The following DLC1 variants were observed in gnomAD, a reference collection of about 807,000 sequenced individuals.
The protein encoded by DLC1 is DLC1 Rho GTPase activating protein.
DLC1 carries 54 observed loss-of-function variants against 140.3 expected under a neutral mutation model. The ratio of observed to expected loss-of-function variants is 0.38; its 90% confidence interval spans 0.31 to 0.48. The LOEUF (loss-of-function observed/expected upper bound fraction) is 0.48. Among genes scored for constraint, DLC1 ranks in the 20% least tolerant of loss-of-function variants. DLC1 has a pLI of 0.96. For missense variants in DLC1, 2,536 were observed against 1,907.0 expected (o/e 1.33, Z -6.14); for synonymous variants, 986 against 728.1 (o/e 1.35, Z -5.70).
chr8:13,310,234 T>C (rs944474663), intron 4 of DLC1, among the ~76,000 whole-genome samples: 3 of 152,240 alleles, frequency 2.0e-5, no homozygotes, highest in Non-Finnish European at 4.4e-5. Context: ...TTCTTTTACA[T>C]GATTTCAAAT....
chr8:13,133,119 C>A, intron 5 of DLC1: 1 of 1,466,576 alleles, frequency 6.8e-7, no homozygotes, highest in Non-Finnish European at 9.0e-7. Context: ...TCGCCGCTCC[C>A]TGCCCCTCGT....
chr8:13,470,617 C>T (rs1348333660), intron 2 of DLC1, among the ~76,000 whole-genome samples: 1 of 152,152 alleles, frequency 6.6e-6, no homozygotes, highest in Non-Finnish European at 1.5e-5. Flanking sequence ...TTGGTGAAAG[C>T]GTGGAGAAAA....
intron 2 of DLC1, among the ~76,000 whole-genome samples, chr8:13,492,829 T>A (rs558078284): frequency 6.6e-6 from 1 of 152,380 alleles, no homozygotes; most frequent in Admixed American, 6.5e-5. Context: ...TTATTTGTCA[T>A]GAGACGATAT....
intron 14 of DLC1, 93 bp from the exon 15 acceptor site, chr8:13,090,563 C>G: frequency 6.9e-7 from 1 of 1,455,738 alleles, no homozygotes; most frequent in Non-Finnish European, 9.3e-7. Context: ...GAACAATGGC[C>G]TGGTCCTTAA....
chr8:13,384,627 T>C (rs1269273465), intron 4 of DLC1, among the ~76,000 whole-genome samples: 1 of 152,194 alleles, frequency 6.6e-6, no homozygotes, highest in Non-Finnish European at 1.5e-5. Context: ...TAATGTCCAA[T>C]GATCTACCTA....
Position 13,406,185 on chromosome 8 carries a change from T to TTTTTTTTG in DLC1, c.1024-4567_1024-4566insCAAAAAAA, listed in dbSNP as rs1249460302. 7.0e-5 allele frequency among the ~76,000 whole-genome samples: 9 copies of TTTTTTTTG among 129,368 alleles called. 1 individual carries two copies. The highest frequency in any genetic ancestry group is 2.7e-4 in the African/African-American group (9 of 33,278). The allele number at this position is 129,368 out of a possible 152,430, so 84.9% of individuals were successfully genotyped here. A position where few individuals can be genotyped will look rare whatever the true frequency, so the allele number is the denominator to read the frequency against. On this transcript the variant is annotated intron_variant, in intron 2 of 17. Coordinates refer to ENST00000276297, the MANE Select transcript of DLC1 (RefSeq NM_182643.3). Reference sequence around the variant, plus strand: ...CCATCCCCAGCTAATTTTTGTGTTTTTTTTTTTTTTTTTCAGTGGAGACAG... The same window carrying TTTTTTTTG: ...CCATCCCCAGCTAATTTTTGTGTTTTTTTTTTTGTTTTTTTTTTTTTCAGTGGAGACAG...
intron 5 of DLC1, among the ~76,000 whole-genome samples, chr8:13,186,935 G>T (rs1251085064): frequency 6.6e-6 from 1 of 152,202 alleles, no homozygotes; most frequent in Admixed American, 6.5e-5. Context: ...GTTGGAGTTT[G>T]CTGGAGTTCC....
chr8:13,221,163 C>G (rs1319841178), intron 5 of DLC1, among the ~76,000 whole-genome samples: 1 of 152,120 alleles, frequency 6.6e-6, no homozygotes, highest in Non-Finnish European at 1.5e-5. Context: ...GTTCTCCCTA[C>G]AAACAAAACA....
rs1265104138 is a variant in DLC1, at chr8:13,085,666, T to C, written c.*145A>G. ...CAAACAGGAAGCAGCTTTAAAAATG[T>C]ATCAAATTGCTATAGTCAATTCCTA... is the stretch of plus-strand genomic sequence containing the variant. On this transcript the variant is annotated 3_prime_UTR_variant, in exon 18 of 18. Coordinates refer to ENST00000276297, the MANE Select transcript of DLC1 (RefSeq NM_182643.3). The C allele has an allele frequency of 7.9e-7, 1 of 1,273,026 alleles. No homozygotes were observed. The highest frequency in any genetic ancestry group is 1.1e-6 in the Non-Finnish European group (1 of 940,126). The allele number at this position is 1,273,026 out of a possible 1,614,324, so 78.9% of individuals were successfully genotyped here. A position where few individuals can be genotyped will look rare whatever the true frequency, so the allele number is the denominator to read the frequency against.
rs369201157 is a variant in DLC1, at chr8:13,267,151, C to T, written c.1348+38118G>A. Among the ~76,000 whole-genome samples the T allele has an allele frequency of 4.0e-3, 616 of 152,264 alleles. 5 individuals carry two copies. Among genetic ancestry groups the T allele is most frequent in the African/African-American group, 0.014 (569 of 41,538 alleles). The stretch of plus-strand genomic sequence containing the variant: ...GAAATTACATGTTCAAACTTGTTTT[C>T]GTCAGTGAAACATTAGTGTCCAAAG... On this transcript the variant is annotated intron_variant, in intron 5 of 17. Transcript: ENST00000276297.
chr8:13,153,996 C>T (rs1422082414), intron 5 of DLC1, among the ~76,000 whole-genome samples: 6 of 152,038 alleles, frequency 3.9e-5, no homozygotes, highest in African/African-American at 1.2e-4. Context: ...TGTTTATAAT[C>T]CTTTAGCTAG....
At chr8:13,446,581 GAGAA>G (rs1039539531) in intron 2 of DLC1, among the ~76,000 whole-genome samples, 9 of 151,892 alleles carry the variant, frequency 5.9e-5, no homozygotes, top group African/African-American at 2.2e-4. Context: ...AAGGAAAAAA[GAGAA>G]AGAAACAAGG....
At chr8:13,106,563 G>A (rs903240743) in intron 7 of DLC1, among the ~76,000 whole-genome samples, 2 of 152,130 alleles carry the variant, frequency 1.3e-5, no homozygotes, top group African/African-American at 4.8e-5. Context: ...TTCCCAGGAT[G>A]GTCTCCAACT....
chr8:13,173,351 T>C (rs573147706), intron 5 of DLC1, among the ~76,000 whole-genome samples: 1 of 151,318 alleles, frequency 6.6e-6, no homozygotes, highest in Non-Finnish European at 1.5e-5. Context: ...ATAATGCTTC[T>C]TTCTTTGTTC....
At chr8:13,539,971 A>G (rs903159303) in intron 1 of DLC1, among the ~76,000 whole-genome samples, 3 of 152,188 alleles carry the variant, frequency 2.0e-5, no homozygotes, top group East Asian at 1.9e-4. Flanking sequence ...GACGTTATCA[A>G]ATTGACACAC....
At chr8:13,196,831 G>C (rs187944958) in intron 5 of DLC1, among the ~76,000 whole-genome samples, 86 of 152,346 alleles carry the variant, frequency 5.6e-4, no homozygotes, top group African/African-American at 2.0e-3. Flanking sequence ...GAGATGAAAA[G>C]ATTTCTAGTG....
Position 13,088,549 on chromosome 8 carries a change from T to A in DLC1, c.4230A>T (p.Glu1410Asp). The A allele has an allele frequency of 6.2e-7, 1 of 1,614,128 alleles. No homozygotes were observed. The highest frequency in any genetic ancestry group is 8.5e-7 in the Non-Finnish European group (1 of 1,180,008). The part of the protein sequence containing the change: ...KVIEILDSQT[E>D]IYQYVQNSMA... ...TACTGTTTTGGACATACTGGTAAAT[T>A]TCAGTTTGGCTGTCCAGAATTTCGA... Residue 1410 changes from glutamate (E) to aspartate (D), a missense_variant, in exon 16 of 18, where the codon GAA becomes GAT. Glu to Asp is a conservative substitution (Grantham distance 45). Coordinates refer to ENST00000276297, the MANE Select transcript of DLC1 (RefSeq NM_182643.3).
chr8:13,551,365 G>T (rs1803843724), intron 1 of DLC1, among the ~76,000 whole-genome samples: 1 of 151,972 alleles, frequency 6.6e-6, no homozygotes, highest in Non-Finnish European at 1.5e-5. Context: ...AGTTTTAAGG[G>T]ATCTAGTTCT....
chr8:13,435,598 G>T (rs1334869135), intron 2 of DLC1, among the ~76,000 whole-genome samples: 1 of 152,214 alleles, frequency 6.6e-6, no homozygotes, highest in Admixed American at 6.5e-5. Flanking sequence ...ACAAGAGTGA[G>T]CCACTGTGCC....
Sources: allele counts gnomAD v4.1 joint callset (sites outside exome capture counted in the v4.1 genomes callset), GRCh38; gene constraint gnomAD v4.1.1; transcripts MANE v1.5; gene names NCBI Gene and HGNC (gene_info 2026-07-23, HGNC 2026-07-21).